Variants in RAP1GDS1 observed in about 807,000 individuals in gnomAD.
RAP1GDS1 encodes Rap1 GTPase-GDP dissociation stimulator 1.
Under a neutral mutation model 71.1 loss-of-function variants are expected in RAP1GDS1, and 35 were observed. The observed-to-expected ratio is 0.49, with a 90% CI of 0.38 to 0.65. The LOEUF is 0.65. Among genes scored for constraint, RAP1GDS1 ranks in the 30% least tolerant of loss-of-function variants. The pLI, the probability that RAP1GDS1 is intolerant of heterozygous loss-of-function variation, is 0.00. For missense variants in RAP1GDS1, 663 were observed against 706.1 expected, an observed-to-expected ratio of 0.94 and a Z score of 0.69; for synonymous variants, 229 against 243.1, an observed-to-expected ratio of 0.94 and a Z score of 0.54.
At position 98,343,130 on chromosome 4, in the gene RAP1GDS1, C is replaced by G. The variant is rs1453348605; in HGVS notation, c.113-9C>G. 6.2e-7 allele frequency: 1 copy of G among 1,601,178 alleles called. No homozygotes were observed. The highest frequency in any genetic ancestry group is 1.7e-5 in the Admixed American group (1 of 57,678). ...TTTCACTGAAGCTCTTTGTATGTAT[C>G]TCTTTTAGATACGGAAACAAGTGAA... On this transcript the variant is annotated splice_polypyrimidine_tract_variant and intron_variant, in intron 2 of 14. Coordinates refer to ENST00000408927, the MANE Select transcript of RAP1GDS1 (RefSeq NM_001100427.2).
At chr4:98,304,921 A>G (rs1327960892) in intron 2 of RAP1GDS1, among the ~76,000 whole-genome samples, 2 of 152,146 alleles carry the variant, frequency 1.3e-5, no homozygotes, top group African/African-American at 4.8e-5. Flanking sequence ...ATAGCTAGCC[A>G]GTTTTCCCAG....
intron 12 of RAP1GDS1, among the ~76,000 whole-genome samples, chr4:98,426,042 G>A (rs1412337612): frequency 2.0e-5 from 3 of 152,070 alleles, no homozygotes; most frequent in African/African-American, 7.2e-5. Flanking sequence ...AACCACAGTG[G>A]AATAAAACTG....
chr4:98,280,482 T>C (rs1724910282), intron 1 of RAP1GDS1, among the ~76,000 whole-genome samples: 1 of 152,178 alleles, frequency 6.6e-6, no homozygotes, highest in Non-Finnish European at 1.5e-5. Context: ...TAAATTTGTT[T>C]AAGTTCTTTG....
chr4:98,283,817 ATT>A lies in RAP1GDS1; in HGVS notation c.5-9573_5-9572del, dbSNP rs10582639. 5.4e-3 allele frequency among the ~76,000 whole-genome samples: 729 copies of A among 133,912 alleles called. 5 individuals carry two copies. The highest frequency in any genetic ancestry group is 0.017 in the African/African-American group (618 of 36,204). The allele number at this position is 133,912 out of a possible 152,430, so 87.9% of individuals were successfully genotyped here. A position where few individuals can be genotyped will look rare whatever the true frequency, so the allele number is the denominator to read the frequency against. ...CTGCTTCCTGGTACATTTCATTGTG[ATT>A]TTTTTTTTTTTTTTTTTGTTAGTCA... On this transcript the variant is annotated intron_variant, in intron 1 of 14. Coordinates refer to ENST00000408927, the MANE Select transcript of RAP1GDS1 (RefSeq NM_001100427.2).
rs769731823 is a variant in RAP1GDS1 at position 98,420,128 on chromosome 4, G to A, written c.1284G>A (p.Met428Ile). ...VQFKLLGTLRMLIDAQAEAAE... is the reference protein window; with the variant it reads ...VQFKLLGTLRILIDAQAEAAE... ...TCAAACTTCTGGGAACATTAAGAAT[G>A]TTAATAGATGCACAAGGTAAAAGAA... is the stretch of plus-strand genomic sequence containing the variant. Residue 428 changes from methionine to isoleucine, a missense_variant, in exon 11 of 15, where the codon ATG (methionine) becomes ATA (isoleucine). Physicochemically the swap from Met to Ile is conservative, Grantham distance 10. Transcript: ENST00000408927. 6.4e-7 allele frequency: 1 copy of A among 1,564,484 alleles called. No individual in the cohort carries two copies. Among genetic ancestry groups the A allele is most frequent in the Admixed American group, 1.8e-5 (1 of 54,978 alleles).
At chr4:98,292,342 C>T (rs115475974) in intron 1 of RAP1GDS1, among the ~76,000 whole-genome samples, 1 of 151,624 alleles carries the variant, frequency 6.6e-6, no homozygotes, top group Admixed American at 6.6e-5. Flanking sequence ...CTTTGTTGCC[C>T]GGGCCGGTAT....
chr4:98,268,097 T>C (rs1722950169), intron 1 of RAP1GDS1, among the ~76,000 whole-genome samples: 1 of 152,142 alleles, frequency 6.6e-6, no homozygotes, highest in African/African-American at 2.4e-5. Context: ...TGCAGTCTCA[T>C]CACATTAAGA....
chr4:98,385,470 T>C (rs936049044), intron 5 of RAP1GDS1, among the ~76,000 whole-genome samples: 12 of 151,820 alleles, frequency 7.9e-5, no homozygotes, highest in Non-Finnish European at 1.8e-4. Flanking sequence ...TAATAGGTTT[T>C]AGCCAGATAT....
At chr4:98,433,909 A>G (rs1037044944) in intron 12 of RAP1GDS1, 27 bp from the exon 13 acceptor site, 15 of 1,581,128 alleles carry the variant, frequency 9.5e-6, no homozygotes, top group African/African-American at 6.7e-5. Context: ...ATTAAAGTCT[A>G]TAATTCTCTG....
At chr4:98,335,224 C>A (rs966315939) in intron 2 of RAP1GDS1, among the ~76,000 whole-genome samples, 3 of 152,140 alleles carry the variant, frequency 2.0e-5, no homozygotes, top group African/African-American at 7.2e-5. Flanking sequence ...GTTTTAGGTG[C>A]TGGTGACTGT....
intron 2 of RAP1GDS1, among the ~76,000 whole-genome samples, chr4:98,335,388 C>T (rs951778706): frequency 1.3e-5 from 2 of 152,064 alleles, no homozygotes; most frequent in South Asian, 2.1e-4. Context: ...TTGCAGTCTT[C>T]TGTGATAGTT....
At position 98,278,223 on chromosome 4, in the gene RAP1GDS1, C is replaced by T. The variant is rs375900614; in HGVS notation, c.5-15185C>T. Among the ~76,000 whole-genome samples, 21 of 152,068 alleles carry T rather than the reference C, an allele frequency of 1.4e-4. No homozygotes were observed. In the South Asian group the frequency reaches 4.0e-3, roughly 29 times the overall value. ...CAAAAAAATAAAAAATGTACAATACCCTAGGCTGCATTCCCATTAAACAGT... is the reference window on the plus strand; with the variant it reads ...CAAAAAAATAAAAAATGTACAATACTCTAGGCTGCATTCCCATTAAACAGT... On this transcript the variant is annotated intron_variant, in intron 1 of 14. Transcript: ENST00000408927.
At chr4:98,263,651 A>C (rs1030047383) in intron 1 of RAP1GDS1, among the ~76,000 whole-genome samples, 7 of 152,196 alleles carry the variant, frequency 4.6e-5, no homozygotes, top group African/African-American at 1.7e-4. Context: ...AAAGTGTCTT[A>C]TTATTTTTTG....
intron 2 of RAP1GDS1, among the ~76,000 whole-genome samples, chr4:98,325,663 A>G (rs1397221850): frequency 1.3e-5 from 2 of 150,394 alleles, no homozygotes; most frequent in African/African-American, 2.5e-5. Context: ...TCAGTAAACT[A>G]TCGCAAGAAC....
At chr4:98,321,032 A>G (rs927101607) in intron 2 of RAP1GDS1, among the ~76,000 whole-genome samples, 2 of 143,764 alleles carry the variant, frequency 1.4e-5, no homozygotes, top group African/African-American at 5.2e-5. Context: ...AAAAAAATTT[A>G]GAAGAATATA....
intron 1 of RAP1GDS1, among the ~76,000 whole-genome samples, chr4:98,275,114 T>A (rs946166548): frequency 6.6e-5 from 10 of 151,986 alleles, no homozygotes; most frequent in African/African-American, 2.4e-4. Flanking sequence ...TCTCTGATGA[T>A]AACTTCCTTT....
intron 12 of RAP1GDS1, 90 bp downstream of exon 12, chr4:98,421,484 T>C: frequency 7.8e-7 from 1 of 1,276,434 alleles, no homozygotes; most frequent in East Asian, 2.6e-5. Context: ...TGGGATAATA[T>C]TTACCTGAAA....
intron 13 of RAP1GDS1, among the ~76,000 whole-genome samples, chr4:98,435,377 A>T (rs907920410): frequency 6.6e-6 from 1 of 152,216 alleles, no homozygotes; most frequent in African/African-American, 2.4e-5. Context: ...CAGTGAACAT[A>T]TATTTTGTAT....
chr4:98,443,096 A>AATCTT lies in RAP1GDS1; in HGVS notation c.*982_*986dup. On this transcript the variant is annotated 3_prime_UTR_variant, in exon 15 of 15. Coordinates refer to ENST00000408927, the MANE Select transcript of RAP1GDS1 (RefSeq NM_001100427.2). ...AGTTTTATCTTCCATAGTCCTTTTA[A>AATCTT]ATCTTATGTTAGAACTAGCAGGACG... 1 of 216,614 alleles carries AATCTT rather than the reference A, an allele frequency of 4.6e-6. No individual in the cohort carries two copies. The highest frequency in any genetic ancestry group is 9.0e-6 in the Non-Finnish European group (1 of 111,576). The allele number at this position is 216,614 out of a possible 1,614,324, so 13.4% of individuals were successfully genotyped here.
Sources: gnomAD v4.1 joint callset for allele counts (sites outside exome capture counted in the v4.1 genomes callset) on GRCh38, gnomAD v4.1.1 for gene constraint, MANE v1.5 for transcripts, NCBI Gene and HGNC (gene_info 2026-07-23, HGNC 2026-07-21) for gene names.